Variants in SHCBP1L observed in about 807,000 individuals in gnomAD.
The protein encoded by SHCBP1L is SHC binding and spindle associated 1 like.
A neutral mutation model predicts 62.5 loss-of-function variants in SHCBP1L; 67 were observed. That is an observed-to-expected ratio of 1.07 (90% CI 0.88 to 1.31). The LOEUF is 1.31. Among genes scored for constraint, SHCBP1L ranks in the 40% most tolerant of loss-of-function variants. The pLI is 0.00. For missense variants in SHCBP1L, 823 were observed against 809.8 expected (o/e 1.02, Z -0.20); for synonymous variants, 284 against 289.4 (o/e 0.98, Z 0.19).
chr1:182,910,248 C>T (rs1456424362), intron 6 of SHCBP1L, among the ~76,000 whole-genome samples: 3 of 152,178 alleles, frequency 2.0e-5, no homozygotes, highest in Non-Finnish European at 4.4e-5. Context: ...AATGAAGTGG[C>T]TGCTAAAATT....
At chr1:182,941,741 A>C (rs1190541075) in intron 2 of SHCBP1L, among the ~76,000 whole-genome samples, 5 of 152,208 alleles carry the variant, frequency 3.3e-5, no homozygotes, top group East Asian at 1.9e-4. Flanking sequence ...AAAATGTTCA[A>C]GACATTAAAT....
At chr1:182,912,366 C>T (rs1650215976) in intron 6 of SHCBP1L, among the ~76,000 whole-genome samples, 1 of 152,160 alleles carries the variant, frequency 6.6e-6, no homozygotes, top group African/African-American at 2.4e-5. Flanking sequence ...ACACAGTTGT[C>T]CAAAGAAACC....
At chr1:182,927,080 A>ACTC (rs1650782021) in intron 6 of SHCBP1L, among the ~76,000 whole-genome samples, 1 of 28,550 alleles carries the variant, frequency 3.5e-5, no homozygotes, top group Non-Finnish European at 6.6e-5. Flanking sequence ...ATATATATAT[A>ACTC]TATATATATA....
chr1:182,924,902 A>AGAGAAAG (rs1650668126), intron 6 of SHCBP1L, among the ~76,000 whole-genome samples: 1 of 130,668 alleles, frequency 7.7e-6, no homozygotes, highest in Non-Finnish European at 1.6e-5. Flanking sequence ...AAAGAGAGAG[A>AGAGAAAG]GAGAAAGAAA....
In SHCBP1L at chr1:182,940,409, A is replaced by G. The variant is rs1226254212; in HGVS notation, c.690T>C (p.Ser230=). The change falls in exon 3 of 10, where the codon AGT becomes AGC. Residue 230 remains serine, a synonymous_variant. Coordinates refer to ENST00000367547, the MANE Select transcript of SHCBP1L (RefSeq NM_030933.4). ...VDEILEELEH[S]VPLLEVYPVE... is the part of the protein sequence containing the mutation. ...CAGGATACACTTCCAAAAGAGGCAC[A>G]CTGTGTTCCAGTTCCTCCAAAATCT... is the stretch of plus-strand genomic sequence containing the variant. 29 of 1,613,920 alleles carry G rather than the reference A, an allele frequency of 1.8e-5. No individual in the cohort carries two copies. The highest frequency in any genetic ancestry group is 2.4e-5 in the Non-Finnish European group (28 of 1,179,982).
At chr1:182,940,842 G>C (rs1651339112) in intron 2 of SHCBP1L, among the ~76,000 whole-genome samples, 1 of 151,918 alleles carries the variant, frequency 6.6e-6, no homozygotes, top group Non-Finnish European at 1.5e-5. Flanking sequence ...GTGTGTGTGT[G>C]TGTGACACAC....
chr1:182,924,719 AG>A (rs1650635332), intron 6 of SHCBP1L, among the ~76,000 whole-genome samples: 1 of 64,748 alleles, frequency 1.5e-5, no homozygotes, highest in East Asian at 5.2e-4. Flanking sequence ...AAAGAAAGAA[AG>A]AAAGAAAGAA....
At chr1:182,915,284 G>A (rs575522652) in intron 6 of SHCBP1L, among the ~76,000 whole-genome samples, 16 of 151,524 alleles carry the variant, frequency 1.1e-4, no homozygotes, top group Middle Eastern at 3.4e-3. Flanking sequence ...AAAAAGAGCT[G>A]GGGTGGCTAC....
intron 6 of SHCBP1L, among the ~76,000 whole-genome samples, chr1:182,928,104 T>C (rs1373237669): frequency 6.6e-6 from 1 of 152,150 alleles, no homozygotes; most frequent in Non-Finnish European, 1.5e-5. Context: ...AAAAGGAAAA[T>C]TAAATTTTGT....
At chr1:182,923,324 C>T (rs1650579559) in intron 6 of SHCBP1L, among the ~76,000 whole-genome samples, 1 of 152,166 alleles carries the variant, frequency 6.6e-6, no homozygotes, top group South Asian at 2.1e-4. Context: ...TGCTACCAAT[C>T]CTGCTGAAAC....
intron 1 of SHCBP1L, among the ~76,000 whole-genome samples, chr1:182,952,229 T>TACACAC (rs1558007630): frequency 9.9e-5 from 6 of 60,556 alleles, no homozygotes; most frequent in African/African-American, 5.5e-4. Context: ...TATATATATA[T>TACACAC]ATATATACAC....
chr1:182,950,248 A>G (rs895325786), intron 2 of SHCBP1L, among the ~76,000 whole-genome samples: 3 of 152,218 alleles, frequency 2.0e-5, no homozygotes, highest in African/African-American at 7.2e-5. Flanking sequence ...ATTTGTGGTT[A>G]TAAATATTAA....
chr1:182,918,123 C>A (rs544067436), intron 6 of SHCBP1L, among the ~76,000 whole-genome samples: 2 of 142,752 alleles, frequency 1.4e-5, no homozygotes, highest in African/African-American at 5.3e-5. Flanking sequence ...CACATATATA[C>A]GTGTGTGTGT....
At chr1:182,931,681 C>T (rs1650999505) in intron 5 of SHCBP1L, among the ~76,000 whole-genome samples, 1 of 152,050 alleles carries the variant, frequency 6.6e-6, no homozygotes, top group African/African-American at 2.4e-5. Context: ...TCCCTTGTTC[C>T]CCCCGCACAC....
Position 182,904,330 on chromosome 1 carries a change from C to A in SHCBP1L, c.1437G>T (p.Leu479Phe). ...ADNVKLMHLS[L>F]IQQGTVDGIV... is the part of the protein sequence containing the mutation. Reference sequence around the variant, plus strand: ...TACCATCAACCGTCCCTTGTTGTATCAAAGATAGATGCATTAGTTTCACAT... The same window carrying A: ...TACCATCAACCGTCCCTTGTTGTATAAAAGATAGATGCATTAGTTTCACAT... The change falls in exon 8 of 10, where the codon TTG (leucine) becomes TTT (phenylalanine). Residue 479 changes from leucine to phenylalanine, a missense_variant. Physicochemically the swap from Leu to Phe is conservative, Grantham distance 22 (BLOSUM62 0). Transcript: ENST00000367547. The A allele has an allele frequency of 6.2e-7, 1 of 1,614,142 alleles. No homozygotes were observed.
At chr1:182,943,347 C>T (rs1651435246) in intron 2 of SHCBP1L, among the ~76,000 whole-genome samples, 1 of 145,724 alleles carries the variant, frequency 6.9e-6, no homozygotes, top group South Asian at 2.2e-4. Context: ...GTCTTGAACT[C>T]CTGGCCTCCA....
In SHCBP1L at chr1:182,940,531, G is replaced by T. The variant is rs1172849679; in HGVS notation, c.568C>A (p.Pro190Thr). ...VGILVEVTCE[P>T]YQDSSSRFKV... ...AAACGAGATGATGAGTCTTGGTATG[G>T]TTCACAAGTTACCTAAGATAAATAT... Residue 190 changes from proline (P) to threonine (T), a missense_variant, in exon 3 of 10, where the codon CCA (proline) becomes ACA (threonine). By Grantham distance (38) the Pro-to-Thr change is conservative (BLOSUM62 -1). Transcript: ENST00000367547. 1 of 1,613,192 alleles carries T rather than the reference G, an allele frequency of 6.2e-7. No homozygotes were observed. Among genetic ancestry groups the T allele is most frequent in the Non-Finnish European group, 8.5e-7 (1 of 1,179,540 alleles).
chr1:182,951,166 C>A (rs1571363258), intron 2 of SHCBP1L, 152 bp downstream of exon 2: 1 of 546,174 alleles, frequency 1.8e-6, no homozygotes, highest in Non-Finnish European at 3.0e-6. Flanking sequence ...ATTCCCCTAA[C>A]CTTCTTTTTA....
chr1:182,924,634 A>C (rs1354059875), intron 6 of SHCBP1L, among the ~76,000 whole-genome samples: 1 of 149,588 alleles, frequency 6.7e-6, no homozygotes, highest in Non-Finnish European at 1.5e-5. Flanking sequence ...TGCTGACCAA[A>C]GCAATGTACA....
Sources: gnomAD v4.1 joint callset for allele counts (sites outside exome capture counted in the v4.1 genomes callset) on GRCh38, gnomAD v4.1.1 for gene constraint, MANE v1.5 for transcripts, NCBI Gene and HGNC (gene_info 2026-07-23, HGNC 2026-07-21) for gene names.